XPO4: variants seen among roughly 807,000 people sequenced by gnomAD.
The protein encoded by XPO4 is exportin-4.
A neutral mutation model predicts 143.0 loss-of-function variants in XPO4; 39 were observed. The observed-to-expected ratio is 0.27, with a 90% CI of 0.21 to 0.36. The LOEUF is 0.36. Ranked by LOEUF, XPO4 falls within the 10% of genes least tolerant of loss-of-function variation. The pLI, the probability that XPO4 is intolerant of heterozygous loss-of-function variation, is 1.00. For synonymous variants in XPO4, 439 were observed against 474.0 expected, an observed-to-expected ratio of 0.93 and a Z score of 0.96; for missense variants, 907 against 1,348.0, an observed-to-expected ratio of 0.67 and a Z score of 5.12.
intron 1 of XPO4, among the ~76,000 whole-genome samples, chr13:20,895,902 A>G (rs1265668032): frequency 6.6e-6 from 1 of 152,204 alleles, no homozygotes; most frequent in Non-Finnish European, 1.5e-5. Flanking sequence ...GTGTAACTGG[A>G]CATTTACGTT....
chr13:20,832,748 A>C (rs1475022286), intron 6 of XPO4, among the ~76,000 whole-genome samples: 1 of 152,188 alleles, frequency 6.6e-6, no homozygotes, highest in East Asian at 1.9e-4. Flanking sequence ...ACACAGTCCA[A>C]GCAACCACAA....
At chr13:20,892,026 G>T (rs958901689) in intron 1 of XPO4, among the ~76,000 whole-genome samples, 19 of 138,348 alleles carry the variant, frequency 1.4e-4, no homozygotes, top group South Asian at 2.7e-4. Context: ...GTTTTTTTTT[G>T]TTTTGTTTTG....
rs769828769 is a variant in XPO4, at chr13:20,821,749, T to C, written c.1128A>G (p.Thr376=). 1.2e-6 allele frequency: 2 copies of C among 1,614,006 alleles called. No homozygotes were observed. The highest frequency in any genetic ancestry group is 1.7e-6 in the Non-Finnish European group (2 of 1,179,944). ...TTCGCCCAAAAGAACAAGTGAGGTG[T>C]GTGAGGCAGTTAACAAAGGAGGAGA... ...ELFSSFVNCL[T]HLTCSFGRSA... Residue 376 remains threonine, a synonymous_variant, in exon 9 of 23, where the codon ACA becomes ACG. Coordinates refer to ENST00000255305, the MANE Select transcript of XPO4 (RefSeq NM_022459.5).
At chr13:20,836,351 C>A (rs1347504341) in intron 6 of XPO4, among the ~76,000 whole-genome samples, 1 of 152,196 alleles carries the variant, frequency 6.6e-6, no homozygotes, top group Admixed American at 6.5e-5. Context: ...ATGTTGACTA[C>A]CTGATTCCTT....
chr13:20,851,999 A>G (rs542186199), intron 4 of XPO4: 318 of 985,304 alleles, frequency 3.2e-4, no homozygotes, highest in Non-Finnish European at 3.7e-4. Context: ...CAGAGAACTC[A>G]GTTCCCAAGT....
intron 1 of XPO4, among the ~76,000 whole-genome samples, chr13:20,874,175 A>G (rs1218746505): frequency 6.6e-6 from 1 of 152,194 alleles, no homozygotes; most frequent in African/African-American, 2.4e-5. Context: ...AAATCTGAAT[A>G]ATATTCTTGG....
intron 1 of XPO4, among the ~76,000 whole-genome samples, chr13:20,883,687 A>G (rs1235050611): frequency 6.6e-6 from 1 of 152,242 alleles, no homozygotes; most frequent in East Asian, 1.9e-4. Context: ...AAAAAATTCT[A>G]AAGAAAATAC....
At chr13:20,866,091 T>C (rs1215263929) in intron 2 of XPO4, 1 of 985,314 alleles carries the variant, frequency 1.0e-6, no homozygotes, top group Non-Finnish European at 1.2e-6. Context: ...ATTATTTCTT[T>C]AACAAGAACA....
intron 18 of XPO4, among the ~76,000 whole-genome samples, chr13:20,795,396 C>T (rs1393679577): frequency 6.6e-6 from 1 of 152,186 alleles, no homozygotes; most frequent in African/African-American, 2.4e-5. Context: ...ATGCTAGGCA[C>T]CAAAGACACT....
intron 16 of XPO4, among the ~76,000 whole-genome samples, chr13:20,798,217 A>G (rs2059383955): frequency 6.6e-6 from 1 of 152,168 alleles, no homozygotes; most frequent in South Asian, 2.1e-4. Context: ...GTGGGCCCCT[A>G]GTTCAATATA....
chr13:20,847,225 A>G (rs1286032030), intron 4 of XPO4, among the ~76,000 whole-genome samples: 2 of 152,228 alleles, frequency 1.3e-5, no homozygotes, highest in Non-Finnish European at 2.9e-5. Flanking sequence ...ACTTCAACAC[A>G]TATCAACAAA....
intron 4 of XPO4, chr13:20,852,645 AAAT>A: frequency 2.1e-6 from 2 of 964,868 alleles, no homozygotes; most frequent in Non-Finnish European, 2.5e-6. Flanking sequence ...TATAACATTT[AAAT>A]AATGATTATG....
chr13:20,827,006 T>G, intron 7 of XPO4, 61 bp downstream of exon 7: 4 of 1,185,962 alleles, frequency 3.4e-6, no homozygotes, highest in Non-Finnish European at 5.0e-6. Flanking sequence ...CTTAAGAAAC[T>G]CGCCAAGGCA....
At chr13:20,850,510 T>G (rs1163585546) in intron 4 of XPO4, among the ~76,000 whole-genome samples, 1 of 152,166 alleles carries the variant, frequency 6.6e-6, no homozygotes, top group Non-Finnish European at 1.5e-5. Context: ...CTGGACGTGG[T>G]GGCTCACACC....
At chr13:20,892,889 TAA>T (rs71200313) in intron 1 of XPO4, among the ~76,000 whole-genome samples, 7 of 139,218 alleles carry the variant, frequency 5.0e-5, no homozygotes, top group African/African-American at 8.4e-5. Flanking sequence ...AAGTAAAAAA[TAA>T]AAAAAAAAAA....
intron 1 of XPO4, among the ~76,000 whole-genome samples, chr13:20,896,489 TTTTC>T (rs1370269417): frequency 2.0e-5 from 3 of 152,306 alleles, no homozygotes; most frequent in South Asian, 2.1e-4. Flanking sequence ...TTTCTACAGT[TTTTC>T]TTTCTAACAG....
intron 6 of XPO4, among the ~76,000 whole-genome samples, chr13:20,837,254 A>G (rs1183870333): frequency 6.6e-6 from 1 of 152,190 alleles, no homozygotes; most frequent in East Asian, 1.9e-4. Context: ...CAGCATCCGT[A>G]GCCTCAACCC....
rs1320631991 is a variant in XPO4 at position 20,778,255 on chromosome 13, C to G, written c.*5467G>C. On this transcript the variant is annotated 3_prime_UTR_variant, in exon 23 of 23. Coordinates refer to ENST00000255305, the MANE Select transcript of XPO4 (RefSeq NM_022459.5). ...AAGAAACAAAAATTCAAAATACACT[C>G]TAATTGGTTTTCTTAAACAACTTTT... 1.3e-5 allele frequency: 2 copies of G among 152,172 alleles called. No individual in the cohort carries two copies. 9.4% of individuals were successfully genotyped at this position (152,172 alleles called of 1,614,324 possible).
At chr13:20,893,056 C>T (rs539463660) in intron 1 of XPO4, among the ~76,000 whole-genome samples, 3 of 152,084 alleles carry the variant, frequency 2.0e-5, no homozygotes, top group East Asian at 3.9e-4. Flanking sequence ...ATATGAGAGG[C>T]CCTGTGACAG....
Sources: allele counts gnomAD v4.1 joint callset (sites outside exome capture counted in the v4.1 genomes callset), GRCh38; gene constraint gnomAD v4.1.1; transcripts MANE v1.5; gene names NCBI Gene and HGNC (gene_info 2026-07-23, HGNC 2026-07-21).